The following COP1 variants were observed in gnomAD, a reference collection of about 807,000 sequenced individuals.
COP1 encodes COP1 E3 ubiquitin ligase, also known as E3 ubiquitin-protein ligase COP1.
COP1 carries 24 observed loss-of-function variants against 101.3 expected under a neutral mutation model. The observed-to-expected ratio is 0.24, with a 90% CI of 0.17 to 0.33. The LOEUF (loss-of-function observed/expected upper bound fraction) is 0.33, where lower values mean the gene tolerates loss of function less well. Ranked by LOEUF, COP1 falls within the 10% of genes least tolerant of loss-of-function variation. COP1 has a pLI of 1.00. For synonymous variants in COP1, 347 were observed against 341.9 expected (o/e 1.01, Z -0.17); for missense variants, 663 against 906.2 (o/e 0.73, Z 3.45).
chr1:176,206,393 A>C (rs1572852054), intron 1 of COP1, 179 bp downstream of exon 1: 1 of 635,556 alleles, frequency 1.6e-6, no homozygotes. Context: ...ACATTCCTTC[A>C]CCCCACCAAC....
rs1231846949 is a variant in COP1, at chr1:176,207,194, G to A, written c.-216C>T. Reference sequence around the variant, plus strand: ...AGGAAACTAAAAAAGCGGAGTAGAAGGCACTACCGCTGTCGAGGCCGCCGC... The same window carrying A: ...AGGAAACTAAAAAAGCGGAGTAGAAAGCACTACCGCTGTCGAGGCCGCCGC... On this transcript the variant is annotated 5_prime_UTR_variant, in exon 1 of 20. Coordinates refer to ENST00000367669, the MANE Select transcript of COP1 (RefSeq NM_022457.7). The A allele has an allele frequency of 2.4e-6, 1 of 412,536 alleles. No individual in the cohort carries two copies. Among genetic ancestry groups the A allele is most frequent in the Non-Finnish European group, 4.2e-6 (1 of 236,752 alleles). The allele number at this position is 412,536 out of a possible 1,614,324, so 25.6% of individuals were successfully genotyped here.
intron 15 of COP1, among the ~76,000 whole-genome samples, chr1:176,019,238 G>A (rs769859672): frequency 4.0e-5 from 6 of 151,860 alleles, no homozygotes; most frequent in Admixed American, 1.3e-4. Context: ...GCCGAGGCGG[G>A]CGGATCACGA....
Position 176,175,938 on chromosome 1 carries a change from A to G in COP1, c.537T>C (p.Asn179=). The change falls in exon 3 of 20, where the codon AAT becomes AAC. Residue 179 remains asparagine, a synonymous_variant. Coordinates refer to ENST00000367669, the MANE Select transcript of COP1 (RefSeq NM_022457.7). ...RCPKCNYVVD[N]IDHLYPNFLV... is the part of the protein sequence containing the mutation. The stretch of plus-strand genomic sequence containing the variant: ...AGAAATTAGGATACAGATGGTCAAT[A>G]TTGTCCACAACATAGTTACACTTGG... The G allele has an allele frequency of 1.3e-6, 2 of 1,579,002 alleles. No individual in the cohort carries two copies. The highest frequency in any genetic ancestry group is 1.7e-6 in the Non-Finnish European group (2 of 1,150,706).
At chr1:176,178,361 T>C (rs915822200) in intron 2 of COP1, among the ~76,000 whole-genome samples, 2 of 149,586 alleles carry the variant, frequency 1.3e-5, no homozygotes, top group Non-Finnish European at 3.0e-5. Context: ...ATAATAATAA[T>C]AAATGCAAAA....
chr1:175,975,050 A>T lies in COP1; in HGVS notation c.2133+11893T>A, dbSNP rs373540738. On this transcript the variant is annotated intron_variant, in intron 18 of 19. Coordinates refer to ENST00000367669, the MANE Select transcript of COP1 (RefSeq NM_022457.7). ...ATATTGACAGCTGTCAGTAAGAAAC[A>T]TGGCACCTAAAGGGCAGGTAGGAAA... Among the ~76,000 whole-genome samples the T allele has an allele frequency of 2.4e-4, 36 of 152,196 alleles. No homozygotes were observed. The South Asian group carries it at 7.3e-3, about 31-fold the overall frequency.
chr1:176,050,030 T>G (rs1033366763), intron 11 of COP1, among the ~76,000 whole-genome samples: 21 of 152,228 alleles, frequency 1.4e-4, no homozygotes, highest in Non-Finnish European at 2.6e-4. Context: ...CAGTAATAAT[T>G]AAAACAAGAG....
At chr1:176,028,311 TCACAGCACTTTG>T (rs1668034128) in intron 14 of COP1, among the ~76,000 whole-genome samples, 1 of 152,000 alleles carries the variant, frequency 6.6e-6, no homozygotes, top group Admixed American at 6.6e-5. Flanking sequence ...ATGACTGTAA[TCACAGCACTTTG>T]GGAGGCTGAG....
intron 11 of COP1, among the ~76,000 whole-genome samples, chr1:176,055,420 A>G (rs895637540): frequency 2.6e-5 from 4 of 152,240 alleles, no homozygotes; most frequent in Non-Finnish European, 5.9e-5. Context: ...GGGCAACAAA[A>G]GTGAAACTCC....
rs1258500902 is a variant in COP1 at position 176,085,769 on chromosome 1, T to C, written c.1141+7A>G. ...TTCAGATAATTTGAGAAGGTCTAAATATATACCTGAGATACGAGACATCCT... is the reference window on the plus strand; with the variant it reads ...TTCAGATAATTTGAGAAGGTCTAAACATATACCTGAGATACGAGACATCCT... On this transcript the variant is annotated splice_region_variant and intron_variant, in intron 10 of 19. Transcript: ENST00000367669. The C allele has an allele frequency of 1.3e-6, 2 of 1,494,354 alleles. No homozygotes were observed. Among genetic ancestry groups the C allele is most frequent in the Non-Finnish European group, 9.3e-7 (1 of 1,076,980 alleles). 92.6% of individuals were successfully genotyped at this position (1,494,354 alleles called of 1,614,324 possible). A position where few individuals can be genotyped will look rare whatever the true frequency, so the allele number is the denominator to read the frequency against.
intron 11 of COP1, among the ~76,000 whole-genome samples, chr1:176,062,969 T>C (rs991284760): frequency 1.3e-5 from 2 of 150,602 alleles, no homozygotes; most frequent in East Asian, 2.0e-4. Context: ...AGAAAGCAGA[T>C]AAATAGTTGC....
At chr1:176,024,213 C>T (rs944965132) in intron 15 of COP1, among the ~76,000 whole-genome samples, 6 of 152,252 alleles carry the variant, frequency 3.9e-5, no homozygotes, top group South Asian at 2.1e-4. Flanking sequence ...GAGCCAATAT[C>T]GTGCCACTGC....
Position 176,144,011 on chromosome 1 carries a change from G to C in COP1, c.831+4995C>G, listed in dbSNP as rs570524607. On this transcript the variant is annotated intron_variant, in intron 6 of 19. Transcript: ENST00000367669. ...CCTACAGAAAACATCATACCTAATGGTGACACGTTGAATGCTTTCACTTTG... is the reference window on the plus strand; with the variant it reads ...CCTACAGAAAACATCATACCTAATGCTGACACGTTGAATGCTTTCACTTTG... Among the ~76,000 whole-genome samples, 11 of 152,222 alleles carry C rather than the reference G, an allele frequency of 7.2e-5. No homozygotes were observed. The East Asian group carries it at 2.1e-3, about 29-fold the overall frequency.
intron 18 of COP1, among the ~76,000 whole-genome samples, chr1:175,981,839 A>T (rs770234884): frequency 1.3e-5 from 2 of 152,170 alleles, no homozygotes; most frequent in Non-Finnish European, 2.9e-5. Flanking sequence ...CTGAATAAAC[A>T]TTTCTCAAAA....
intron 1 of COP1, among the ~76,000 whole-genome samples, chr1:176,203,406 T>G (rs1002975326): frequency 2.6e-5 from 4 of 152,222 alleles, no homozygotes; most frequent in African/African-American, 9.6e-5. Context: ...ATACTTCTGC[T>G]GCAAGAATGG....
chr1:176,052,670 C>T (rs2149245285), intron 11 of COP1, among the ~76,000 whole-genome samples: 1 of 152,194 alleles, frequency 6.6e-6, no homozygotes, highest in African/African-American at 2.4e-5. Flanking sequence ...AAAAGCAAGC[C>T]TCCCTCCCAC....
At chr1:176,200,767 CAT>C (rs1198727043) in intron 1 of COP1, among the ~76,000 whole-genome samples, 1 of 152,136 alleles carries the variant, frequency 6.6e-6, no homozygotes, top group Admixed American at 6.6e-5. Context: ...GAACTTGGCT[CAT>C]ACACACATAA....
chr1:176,038,888 C>T (rs1479793612), intron 14 of COP1, among the ~76,000 whole-genome samples: 4 of 151,226 alleles, frequency 2.6e-5, no homozygotes, highest in Non-Finnish European at 5.9e-5. Flanking sequence ...GGCCCATACA[C>T]ATCCCTTTAT....
At chr1:176,105,165 T>C (rs1026329260) in intron 9 of COP1, among the ~76,000 whole-genome samples, 2 of 151,850 alleles carry the variant, frequency 1.3e-5, no homozygotes, top group African/African-American at 4.8e-5. Flanking sequence ...AAGATGGAGG[T>C]AGGGAAATTG....
At chr1:176,051,228 T>G (rs1013007232) in intron 11 of COP1, among the ~76,000 whole-genome samples, 3 of 152,176 alleles carry the variant, frequency 2.0e-5, no homozygotes, top group Non-Finnish European at 4.4e-5. Context: ...TTTTCAGCCA[T>G]CAAATGTCCA....
Sources: allele counts gnomAD v4.1 joint callset (sites outside exome capture counted in the v4.1 genomes callset), GRCh38; gene constraint gnomAD v4.1.1; transcripts MANE v1.5; gene names NCBI Gene and HGNC (gene_info 2026-07-23, HGNC 2026-07-21).